Variants in PCDHGB6 observed in about 807,000 individuals in gnomAD.
PCDHGB6 encodes protocadherin gamma subfamily B, 6.
A neutral mutation model predicts 59.1 loss-of-function variants in PCDHGB6; 51 were observed. The observed-to-expected ratio is 0.86, with a 90% confidence interval of 0.69 to 1.09. PCDHGB6 has a LOEUF of 1.09. Among genes scored for constraint, PCDHGB6 ranks in the 50% least tolerant of loss-of-function variants. PCDHGB6 has a pLI of 0.00. For missense variants in PCDHGB6, 1,148 were observed against 1,205.1 expected (o/e 0.95, Z 0.70); for synonymous variants, 466 against 495.1 (o/e 0.94, Z 0.78).
chr5:141,415,740 GTTTTTTTTT>G (rs57426385), intron 1 of PCDHGB6: 9,508 of 621,550 alleles, frequency 0.015, 13 homozygotes, highest in Non-Finnish European at 0.016. Context: ...GTTTATTAAG[GTTTTTTTTT>G]TTTTTTTTTT....
chr5:141,510,032 T>C (rs1410346284), intron 3 of PCDHGB6, among the ~76,000 whole-genome samples: 3 of 152,150 alleles, frequency 2.0e-5, no homozygotes, highest in Non-Finnish European at 4.4e-5. Flanking sequence ...GCTGGGCTGT[T>C]ATGTAGAGGT....
At position 141,487,465 on chromosome 5, in the gene PCDHGB6, T is replaced by C. The variant is rs1354086784; in HGVS notation, c.2419-7342T>C. 1.9e-6 allele frequency: 3 copies of C among 1,614,194 alleles called. No individual in the cohort carries two copies. The highest frequency in any genetic ancestry group is 1.7e-6 in the Non-Finnish European group (2 of 1,180,020). Reference sequence around the variant, plus strand: ...CAGATGACCCTATCAAGTTTGTTGATGTGGGAGGCCACTCTCATGGCTGTA... The same window carrying C: ...CAGATGACCCTATCAAGTTTGTTGACGTGGGAGGCCACTCTCATGGCTGTA... On this transcript the variant is annotated intron_variant, in intron 1 of 3. Transcript: ENST00000520790. The surrounding 1 kb of genome is among the most constrained non-coding windows in gnomAD (Gnocchi z 5.0).
At position 141,487,179 on chromosome 5, in the gene PCDHGB6, C is replaced by T. The variant is rs768886732; in HGVS notation, c.2419-7628C>T. Reference sequence around the variant, plus strand: ...CTCTTAGTGTCCTTAGAGGAAGACACTCATCCAGTTGTCCCAGATCTTCGA... The same window carrying T: ...CTCTTAGTGTCCTTAGAGGAAGACATTCATCCAGTTGTCCCAGATCTTCGA... On this transcript the variant is annotated intron_variant, in intron 1 of 3. Transcript: ENST00000520790. This position sits in a 1 kb window ranked among gnomAD's most constrained non-coding sequence, Gnocchi z 5.0. 6.2e-6 allele frequency: 10 copies of T among 1,613,474 alleles called. No individual in the cohort carries two copies. Among genetic ancestry groups the T allele is most frequent in the Non-Finnish European group, 6.8e-6 (8 of 1,179,370 alleles).
Position 141,476,110 on chromosome 5 carries a change from G to A in PCDHGB6, c.2419-18697G>A. ...GACCCCGCTGAGAGGAACTGCTTTT[G>A]AGTGAGATGGTCCCAGAGGCCTGGA... On this transcript the variant is annotated intron_variant, in intron 1 of 3. Transcript: ENST00000520790. The surrounding 1 kb of genome is among the most constrained non-coding windows in gnomAD (Gnocchi z 7.6). 1.9e-6 allele frequency: 3 copies of A among 1,589,382 alleles called. No homozygotes were observed. The highest frequency in any genetic ancestry group is 2.6e-6 in the Non-Finnish European group (3 of 1,170,364).
rs2099405848 is a variant in PCDHGB6 at position 141,477,120 on chromosome 5, A to G, written c.2419-17687A>G. 2 of 1,614,118 alleles carry G rather than the reference A, an allele frequency of 1.2e-6. No homozygotes were observed. Among genetic ancestry groups the G allele is most frequent in the African/African-American group, 2.7e-5 (2 of 74,942 alleles). On this transcript the variant is annotated intron_variant, in intron 1 of 3. Transcript: ENST00000520790. This position sits in a 1 kb window ranked among gnomAD's most constrained non-coding sequence, Gnocchi z 4.9. ...AAGGGCGCCAATCCCGAAGGAGCAC[A>G]TTGCAAAGTGTTGGTGGAGGTTGTG...
rs902072815 is a variant in PCDHGB6, at chr5:141,495,024, C to A, written c.2477+159C>A. On this transcript the variant is annotated intron_variant, in intron 2 of 3. Coordinates refer to ENST00000520790, the MANE Select transcript of PCDHGB6 (RefSeq NM_018926.3). ...GGTGTGCGGGGGGCTGGCACACAGACCCCGGAAGGAAGAGGCGACTGCCCT... is the reference window on the plus strand; with the variant it reads ...GGTGTGCGGGGGGCTGGCACACAGAACCCGGAAGGAAGAGGCGACTGCCCT... The A allele has an allele frequency of 1.6e-5, 16 of 973,368 alleles. No homozygotes were observed. In the South Asian group the frequency reaches 5.7e-4, roughly 35 times the overall value. The allele number at this position is 973,368 out of a possible 1,614,324, so 60.3% of individuals were successfully genotyped here. A position where few individuals can be genotyped will look rare whatever the true frequency, so the allele number is the denominator to read the frequency against.
At chr5:141,424,022 A>G (rs2096795541) in intron 1 of PCDHGB6, 13 of 1,046,584 alleles carry the variant, frequency 1.2e-5, no homozygotes, top group Non-Finnish European at 1.4e-5. Context: ...ATGATTCACA[A>G]ACACTTTTTA....
intron 2 of PCDHGB6, among the ~76,000 whole-genome samples, chr5:141,504,926 TGGTG>T (rs1312481961): frequency 1.3e-5 from 2 of 151,946 alleles, no homozygotes; most frequent in Non-Finnish European, 2.9e-5. Context: ...GGCTCTCTCA[TGGTG>T]GGTGGGGGAA....
At chr5:141,421,880 G>C in intron 1 of PCDHGB6, 1 of 1,613,718 alleles carries the variant, frequency 6.2e-7, no homozygotes, top group Admixed American at 1.7e-5. Flanking sequence ...GCTTTAGATG[G>C]AGGCGATCCC....
At chr5:141,416,794 G>A (rs1002101061) in intron 1 of PCDHGB6, 1 of 152,070 alleles carries the variant, frequency 6.6e-6, no homozygotes, top group East Asian at 1.9e-4. Flanking sequence ...ACTAAATGTG[G>A]TAGTATAAAG....
chr5:141,437,945 C>A (rs1204633193), intron 1 of PCDHGB6, among the ~76,000 whole-genome samples: 1 of 152,112 alleles, frequency 6.6e-6, no homozygotes, highest in Non-Finnish European at 1.5e-5. Flanking sequence ...ACCATATTGG[C>A]CAGAATGGTC....
rs2099735810 is a variant in PCDHGB6 at position 141,491,979 on chromosome 5, G to A, written c.2419-2828G>A. On this transcript the variant is annotated intron_variant, in intron 1 of 3. Transcript: ENST00000520790. This position sits in a 1 kb window ranked among gnomAD's most constrained non-coding sequence, Gnocchi z 6.9. ...CAAAAAAGGCCGGGGCCTCCTTCGA[G>A]CTTCCGGTGAATTTCGGGCGATTTC... 6.4e-6 allele frequency: 5 copies of A among 787,296 alleles called. No homozygotes were observed. Among genetic ancestry groups the A allele is most frequent in the Non-Finnish European group, 9.4e-6 (5 of 533,208 alleles). 48.8% of individuals were successfully genotyped at this position (787,296 alleles called of 1,614,324 possible).
intron 1 of PCDHGB6, chr5:141,419,490 C>G (rs2096390495): frequency 8.1e-6 from 13 of 1,612,414 alleles, no homozygotes; most frequent in Non-Finnish European, 1.1e-5. Context: ...GCGCTCAGCG[C>G]CAATGTGAGC....
chr5:141,506,834 C>T (rs2099856597), intron 3 of PCDHGB6, among the ~76,000 whole-genome samples: 1 of 152,140 alleles, frequency 6.6e-6, no homozygotes, highest in Non-Finnish European at 1.5e-5. Flanking sequence ...ACTGATAGCC[C>T]TGCCCTCCAG....
At chr5:141,484,499 A>G (rs567556335) in intron 1 of PCDHGB6, among the ~76,000 whole-genome samples, 20 of 152,344 alleles carry the variant, frequency 1.3e-4, no homozygotes, top group African/African-American at 4.6e-4. Flanking sequence ...CCGTTTCTGA[A>G]TATTCTGCAG....
chr5:141,421,713 T>G, intron 1 of PCDHGB6: 1 of 1,613,932 alleles, frequency 6.2e-7, no homozygotes, highest in South Asian at 1.1e-5. Flanking sequence ...GGGATCCAGA[T>G]GTGGGCGTGA....
In PCDHGB6 at chr5:141,409,755, G is replaced by C. The variant is rs2095312141; in HGVS notation, c.1553G>C (p.Arg518Pro). Residue 518 changes from arginine to proline, a missense_variant, in exon 1 of 4, where the codon CGC (arginine) becomes CCC (proline). Arg to Pro is a moderately radical substitution (Grantham distance 103). Transcript: ENST00000520790. ...SAQSGVVFAQRAFDHEQLRAF... is the reference protein window; with the variant it reads ...SAQSGVVFAQPAFDHEQLRAF... ...CAGAGCGGGGTGGTGTTCGCGCAGC[G>C]CGCCTTTGATCACGAGCAGCTGCGC... is the stretch of plus-strand genomic sequence containing the variant. 6.2e-7 allele frequency: 1 copy of C among 1,613,024 alleles called. No homozygotes were observed. Among genetic ancestry groups the C allele is most frequent in the Non-Finnish European group, 8.5e-7 (1 of 1,179,854 alleles).
At chr5:141,472,994 A>AAAG (rs2099310386) in intron 1 of PCDHGB6, among the ~76,000 whole-genome samples, 1 of 151,692 alleles carries the variant, frequency 6.6e-6, no homozygotes, top group Non-Finnish European at 1.5e-5. Flanking sequence ...AAAAAAAAAA[A>AAAG]AAAGAAAGAA....
intron 1 of PCDHGB6, among the ~76,000 whole-genome samples, chr5:141,434,340 G>A (rs2097687601): frequency 6.6e-6 from 1 of 152,150 alleles, no homozygotes; most frequent in Non-Finnish European, 1.5e-5. Context: ...TTTGTGTCGG[G>A]AACAGGCCCC....
Sources: allele counts gnomAD v4.1 joint callset (sites outside exome capture counted in the v4.1 genomes callset), GRCh38; gene constraint gnomAD v4.1.1; non-coding constraint Gnocchi (gnomAD v3.1); transcripts MANE v1.5; gene names NCBI Gene and HGNC (gene_info 2026-07-23, HGNC 2026-07-21).